The following GAB1 variants were observed in gnomAD, a reference collection of about 807,000 sequenced individuals.
GAB1 encodes the protein GRB2 associated binding protein 1, also known as GRB2-associated-binding protein 1.
In GAB1, 19 loss-of-function variants were observed where a neutral mutation model predicts 66.5. The ratio of observed to expected loss-of-function variants is 0.29; its 90% CI spans 0.20 to 0.42. The LOEUF (loss-of-function observed/expected upper bound fraction) is 0.42, where lower values mean the gene tolerates loss of function less well. Among genes scored for constraint, GAB1 ranks in the 10% least tolerant of loss-of-function variants. The probability of loss-of-function intolerance (pLI) is 1.00; values close to 1 mark genes in which losing one functional copy is unlikely to be tolerated. For synonymous variants in GAB1, 294 were observed against 301.4 expected, an observed-to-expected ratio of 0.98 and a Z score of 0.25; for missense variants, 732 against 858.5, an observed-to-expected ratio of 0.85 and a Z score of 1.84.
chr4:143,355,602 T>G (rs300911), intron 1 of GAB1, among the ~76,000 whole-genome samples: 71,329 of 151,870 alleles, frequency 0.47, 18,167 homozygotes, highest in East Asian at 0.74. Flanking sequence ...GCAAATACCT[T>G]TCAGGAAGGC....
Position 143,433,711 on chromosome 4 carries a change from C to A in GAB1, c.588C>A (p.Pro196=). The stretch of plus-strand genomic sequence containing the variant: ...ACTGTCAAAGCAAGAAGCCCGAACC[C>A]ACCAGGTAAATTATATATGCCCATG... ...LINCQSKKPE[P]TRTHADSAKS... Residue 196 remains proline (P), a synonymous_variant, in exon 3 of 10, where the codon CCC becomes CCA. Coordinates refer to ENST00000262994, the MANE Select transcript of GAB1 (RefSeq NM_002039.4). 1.2e-6 allele frequency: 2 copies of A among 1,612,358 alleles called. No individual in the cohort carries two copies. The highest frequency in any genetic ancestry group is 1.7e-6 in the Non-Finnish European group (2 of 1,178,476).
chr4:143,419,192 T>C (rs1732880551), intron 2 of GAB1, among the ~76,000 whole-genome samples: 1 of 152,086 alleles, frequency 6.6e-6, no homozygotes, highest in Non-Finnish European at 1.5e-5. Flanking sequence ...TATACATATG[T>C]ATATATAAAT....
intron 1 of GAB1, among the ~76,000 whole-genome samples, chr4:143,372,507 C>T (rs1403125951): frequency 6.6e-6 from 1 of 151,304 alleles, no homozygotes; most frequent in Non-Finnish European, 1.5e-5. Flanking sequence ...TAGGTGATAA[C>T]TACTGAGATT....
chr4:143,440,219 A>G lies in GAB1; in HGVS notation c.1422A>G (p.Pro474=), dbSNP rs1734151981. The G allele has an allele frequency of 1.2e-6, 2 of 1,614,044 alleles. No individual in the cohort carries two copies. Among genetic ancestry groups the G allele is most frequent in the African/African-American group, 1.3e-5 (1 of 74,910 alleles). The change falls in exon 6 of 10, where the codon CCA becomes CCG. Residue 474 remains proline, a synonymous_variant. Transcript: ENST00000262994. ...CAATTCAGGAAGCAAATTATGTGCC[A>G]ATGACTCCAGGAACATTTGATTTTT... ...TEPIQEANYV[P]MTPGTFDFSS...
intron 1 of GAB1, among the ~76,000 whole-genome samples, chr4:143,407,903 A>G (rs917978962): frequency 2.0e-5 from 3 of 152,332 alleles, no homozygotes; most frequent in Non-Finnish European, 4.4e-5. Flanking sequence ...AGTAATTCCT[A>G]AAGTGCTTAT....
chr4:143,398,196 A>G (rs976753802), intron 1 of GAB1, among the ~76,000 whole-genome samples: 1 of 152,256 alleles, frequency 6.6e-6, no homozygotes, highest in Non-Finnish European at 1.5e-5. Context: ...GTCATGAATC[A>G]TTGGAAGCTC....
chr4:143,446,621 G>A (rs1464877095), intron 6 of GAB1, among the ~76,000 whole-genome samples: 26 of 152,216 alleles, frequency 1.7e-4, no homozygotes, highest in Middle Eastern at 3.4e-3. Flanking sequence ...CATATCCTTT[G>A]CCCACTTTTT....
chr4:143,403,519 C>T (rs771490888), intron 1 of GAB1, among the ~76,000 whole-genome samples: 70 of 152,306 alleles, frequency 4.6e-4, no homozygotes, highest in Admixed American at 1.1e-3. Flanking sequence ...AATAGGCAAT[C>T]GTCTTTCTTG....
intron 1 of GAB1, among the ~76,000 whole-genome samples, chr4:143,358,755 T>G (rs893223995): frequency 3.3e-5 from 5 of 152,216 alleles, no homozygotes; most frequent in Non-Finnish European, 7.3e-5. Flanking sequence ...TTCATCAGAT[T>G]AAAAAAGCTA....
intron 5 of GAB1, 58 bp from the exon 6 acceptor site, chr4:143,440,019 TTG>T: frequency 6.7e-7 from 1 of 1,496,864 alleles, no homozygotes; most frequent in Non-Finnish European, 9.2e-7. Flanking sequence ...TGACTTACAA[TTG>T]TGTTTTCATG....
At chr4:143,418,023 G>A (rs567704539) in intron 2 of GAB1, among the ~76,000 whole-genome samples, 8 of 152,330 alleles carry the variant, frequency 5.3e-5, no homozygotes, top group East Asian at 3.9e-4. Flanking sequence ...CCAGCGTGCC[G>A]CTTCCTCTCT....
In GAB1 at chr4:143,345,979, G is replaced by A. The variant is rs28989193; in HGVS notation, c.72+8719G>A. Among the ~76,000 whole-genome samples, 1,220 of 152,204 alleles carry A rather than the reference G, an allele frequency of 8.0e-3. 24 individuals are homozygous for A. The highest frequency in any genetic ancestry group is 0.078 in the East Asian group (404 of 5,176). The stretch of plus-strand genomic sequence containing the variant: ...CTGGCCCCAAGTGATCTCTTGCCTC[G>A]TTGTAGTTTTTATTGTTGTATTTAA... On this transcript the variant is annotated intron_variant, in intron 1 of 9. Transcript: ENST00000262994.
At chr4:143,409,366 T>G (rs950868179) in intron 1 of GAB1, among the ~76,000 whole-genome samples, 4 of 151,136 alleles carry the variant, frequency 2.6e-5, no homozygotes, top group Admixed American at 2.0e-4. Flanking sequence ...AGTTTGGACT[T>G]CAATAACAAC....
At chr4:143,395,048 T>C (rs1466182701) in intron 1 of GAB1, 1 of 152,248 alleles carries the variant, frequency 6.6e-6, no homozygotes, top group East Asian at 1.9e-4. Context: ...TCATTGTCAT[T>C]GCCCATAGGG....
chr4:143,428,110 A>T (rs1733459999), intron 2 of GAB1, among the ~76,000 whole-genome samples: 1 of 152,150 alleles, frequency 6.6e-6, no homozygotes, highest in African/African-American at 2.4e-5. Flanking sequence ...TATGCCATGG[A>T]TATTGGTATA....
At chr4:143,385,965 C>A (rs1730880884) in intron 1 of GAB1, among the ~76,000 whole-genome samples, 1 of 151,924 alleles carries the variant, frequency 6.6e-6, no homozygotes, top group Non-Finnish European at 1.5e-5. Flanking sequence ...CATGGTGAAA[C>A]CCTGTTTATA....
At chr4:143,432,467 A>G (rs1436165089) in intron 2 of GAB1, among the ~76,000 whole-genome samples, 1 of 152,180 alleles carries the variant, frequency 6.6e-6, no homozygotes, top group African/African-American at 2.4e-5. Flanking sequence ...TTATTGGGCA[A>G]AAAGGGAAAA....
At chr4:143,352,222 G>A (rs1481480852) in intron 1 of GAB1, among the ~76,000 whole-genome samples, 1 of 152,162 alleles carries the variant, frequency 6.6e-6, no homozygotes, top group Non-Finnish European at 1.5e-5. Context: ...ACCATTCATT[G>A]TTCACAAGCC....
intron 1 of GAB1, among the ~76,000 whole-genome samples, chr4:143,375,986 G>A (rs551783293): frequency 1.4e-4 from 22 of 152,094 alleles, no homozygotes; most frequent in Non-Finnish European, 2.6e-4. Flanking sequence ...CTCCTGTCTG[G>A]GACAAATGCC....
Sources: allele counts gnomAD v4.1 joint callset (sites outside exome capture counted in the v4.1 genomes callset), GRCh38; gene constraint gnomAD v4.1.1; transcripts MANE v1.5; gene names NCBI Gene and HGNC (gene_info 2026-07-23, HGNC 2026-07-21).